Variants in ZNF329 observed in about 807,000 individuals in gnomAD.
ZNF329 encodes the protein zinc finger protein 329.
In ZNF329, 15 loss-of-function variants were observed where a neutral mutation model predicts 26.6. The observed-to-expected ratio is 0.56, with a 90% CI of 0.38 to 0.87. The LOEUF (loss-of-function observed/expected upper bound fraction) is 0.87, where lower values mean the gene tolerates loss of function less well. Among genes scored for constraint, ZNF329 ranks in the 40% least tolerant of loss-of-function variants. ZNF329 has a pLI of 0.00. For missense variants in ZNF329, 651 were observed against 651.9 expected (o/e 1.00, Z 0.02); for synonymous variants, 239 against 233.5 (o/e 1.02, Z -0.21).
At chr19:58,132,924 T>G (rs575220902) in intron 3 of ZNF329, among the ~76,000 whole-genome samples, 1 of 151,898 alleles carries the variant, frequency 6.6e-6, no homozygotes, top group African/African-American at 2.4e-5. Flanking sequence ...GCCATTCTCC[T>G]GCCTCAGCCT....
chr19:58,144,599 G>C (rs943742212), intron 1 of ZNF329, among the ~76,000 whole-genome samples: 3 of 151,696 alleles, frequency 2.0e-5, no homozygotes, highest in African/African-American at 7.3e-5. Flanking sequence ...AAGTCGGCCA[G>C]GCTGATCTTG....
chr19:58,133,436 A>G (rs2074993242), intron 3 of ZNF329, among the ~76,000 whole-genome samples: 1 of 152,030 alleles, frequency 6.6e-6, no homozygotes, highest in Non-Finnish European at 1.5e-5. Flanking sequence ...AGATACAAAA[A>G]TTAGCAGGGT....
upstream of ZNF329, among the ~76,000 whole-genome samples, chr19:58,151,925 T>TA (rs142938225): frequency 2.0e-3 from 301 of 152,310 alleles, no homozygotes; most frequent in African/African-American, 7.0e-3. Context: ...TTAACACAGG[T>TA]AAAATCTCGA....
chr19:58,128,387 A>G lies in ZNF329; in HGVS notation c.1117T>C (p.Cys373Arg), dbSNP rs747349876. The G allele has an allele frequency of 6.2e-7, 1 of 1,613,994 alleles. No individual in the cohort carries two copies. The highest frequency in any genetic ancestry group is 8.5e-7 in the Non-Finnish European group (1 of 1,180,020). The stretch of plus-strand genomic sequence containing the variant: ...TTGAAGGATTTCCCGCACTCTGCAC[A>G]CTCAAAGGGCTTTTCTCCAGTGTGA... ...RTHTGEKPFE[C>R]AECGKSFNRN... The change falls in exon 4 of 4, where the codon TGT becomes CGT. Residue 373 changes from cysteine to arginine, a missense_variant. Coordinates refer to ENST00000598312, the MANE Select transcript of ZNF329 (RefSeq NM_024620.4).
intron 3 of ZNF329, among the ~76,000 whole-genome samples, chr19:58,130,673 CAAA>C (rs11394563): frequency 3.1e-4 from 27 of 88,202 alleles, no homozygotes; most frequent in African/African-American, 1.1e-3. Context: ...GACTCCGTCT[CAAA>C]AAAAAAAAAA....
At chr19:58,131,179 C>A (rs2074935422) in intron 3 of ZNF329, among the ~76,000 whole-genome samples, 1 of 151,568 alleles carries the variant, frequency 6.6e-6, no homozygotes, top group Admixed American at 6.6e-5. Context: ...CAGGCTGCAA[C>A]ATAAAGTCAA....
At chr19:58,133,573 C>CAAAA (rs550883483) in intron 3 of ZNF329, among the ~76,000 whole-genome samples, 2,399 of 130,870 alleles carry the variant, frequency 0.018, 64 homozygotes, top group African/African-American at 0.064. Flanking sequence ...GAGACTGTCT[C>CAAAA]AAAAAAAAAA....
intron 3 of ZNF329, among the ~76,000 whole-genome samples, chr19:58,139,764 A>G (rs2075145015): frequency 6.6e-6 from 1 of 152,204 alleles, no homozygotes; most frequent in Non-Finnish European, 1.5e-5. Context: ...ATGGCCAATG[A>G]GCACATGAAA....
At chr19:58,131,039 A>T (rs2074928565) in intron 3 of ZNF329, among the ~76,000 whole-genome samples, 1 of 152,182 alleles carries the variant, frequency 6.6e-6, no homozygotes. Flanking sequence ...AAATGAAAAT[A>T]GACCCTTGCC....
chr19:58,129,180 G>A lies in ZNF329; in HGVS notation c.324C>T (p.Pro108=). 2.5e-6 allele frequency: 4 copies of A among 1,614,184 alleles called. No individual in the cohort carries two copies. The highest frequency in any genetic ancestry group is 2.5e-6 in the Non-Finnish European group (3 of 1,180,042). Residue 108 remains proline, a synonymous_variant, in exon 4 of 4, where the codon CCC becomes CCT. Transcript: ENST00000598312. ...TATCTGCATAACTTTTAGGATAGCT[G>A]GGTAAGGCGGGGTCACAATCCAGAC... The part of the protein sequence containing the change: ...VSGLDCDPAL[P]SYPKSYADKR...
At position 58,129,632 on chromosome 19, in the gene ZNF329, T is replaced by A. The variant is rs879184656; in HGVS notation, c.-8-121A>T. 1.6e-5 allele frequency: 15 copies of A among 915,796 alleles called. 2 individuals are homozygous for A. The South Asian group carries it at 2.8e-4, about 17-fold the overall frequency. The allele number at this position is 915,796 out of a possible 1,614,324, so 56.7% of individuals were successfully genotyped here. ...TTTTTACTTGTTTTCTCTTTTAAATTCAAATTTATACAAGGAAGAGGTAAA... is the reference window on the plus strand; with the variant it reads ...TTTTTACTTGTTTTCTCTTTTAAATACAAATTTATACAAGGAAGAGGTAAA... On this transcript the variant is annotated intron_variant, in intron 3 of 3. Coordinates refer to ENST00000598312, the MANE Select transcript of ZNF329 (RefSeq NM_024620.4).
intron 3 of ZNF329, among the ~76,000 whole-genome samples, chr19:58,131,111 A>G (rs368715766): frequency 1.1e-3 from 156 of 147,628 alleles, no homozygotes; most frequent in African/African-American, 3.6e-3. Context: ...ATACATGTAT[A>G]TGTGTATATG....
intron 3 of ZNF329, among the ~76,000 whole-genome samples, 180 bp from the exon 4 acceptor site, chr19:58,129,691 C>A (rs2074894494): frequency 6.6e-6 from 1 of 152,094 alleles, no homozygotes. Flanking sequence ...AGAACAGATT[C>A]AAAAAGAGCC....
At chr19:58,135,604 C>G (rs192208427) in intron 3 of ZNF329, among the ~76,000 whole-genome samples, 1 of 152,082 alleles carries the variant, frequency 6.6e-6, no homozygotes, top group African/African-American at 2.4e-5. Flanking sequence ...GAAATGAAAA[C>G]GCAGAAGAAT....
intron 1 of ZNF329, among the ~76,000 whole-genome samples, chr19:58,147,245 G>A (rs376570508): frequency 0.22 from 32,107 of 145,918 alleles, 3,536 homozygotes; most frequent in Middle Eastern, 0.33. Context: ...CAGCCGCCCC[G>A]TCTGAGAAGT....
chr19:58,141,165 CT>C (rs199568355), intron 3 of ZNF329, among the ~76,000 whole-genome samples: 9 of 145,422 alleles, frequency 6.2e-5, no homozygotes, highest in African/African-American at 1.0e-4. Context: ...CTAAATTTTT[CT>C]TTTTTTTTTG....
chr19:58,140,905 C>T (rs897736917), intron 3 of ZNF329, among the ~76,000 whole-genome samples: 2 of 145,360 alleles, frequency 1.4e-5, no homozygotes, highest in Non-Finnish European at 3.0e-5. Flanking sequence ...TAGAATCTCA[C>T]TCTGTCTCAG....
chr19:58,140,849 C>T (rs938692120), intron 3 of ZNF329, among the ~76,000 whole-genome samples: 1 of 149,292 alleles, frequency 6.7e-6, no homozygotes, highest in Non-Finnish European at 1.5e-5. Context: ...GTAGCTGGGA[C>T]CACAGTTGCA....
chr19:58,149,902 G>A (rs2075411208), intron 1 of ZNF329, among the ~76,000 whole-genome samples: 1 of 152,192 alleles, frequency 6.6e-6, no homozygotes, highest in East Asian at 1.9e-4. Flanking sequence ...ATAGTGAGGT[G>A]TTTGAGGGAG....
Sources: gnomAD v4.1 joint callset for allele counts (sites outside exome capture counted in the v4.1 genomes callset) on GRCh38, gnomAD v4.1.1 for gene constraint, MANE v1.5 for transcripts, NCBI Gene and HGNC (gene_info 2026-07-23, HGNC 2026-07-21) for gene names.